ZNF543: variants seen among roughly 807,000 people sequenced by gnomAD.
The protein encoded by ZNF543 is zinc finger protein 543.
ZNF543 carries 10 observed loss-of-function variants against 13.4 expected under a neutral mutation model. That is an observed-to-expected ratio of 0.75 (90% CI 0.46 to 1.26). The LOEUF (loss-of-function observed/expected upper bound fraction) is 1.26. ZNF543 is among the 50% of genes most tolerant of loss of function. The probability of loss-of-function intolerance (pLI) is 0.00; values close to 1 mark genes in which losing one functional copy is unlikely to be tolerated. For synonymous variants in ZNF543, 272 were observed against 264.7 expected, an observed-to-expected ratio of 1.03 and a Z score of -0.27; for missense variants, 768 against 741.2, an observed-to-expected ratio of 1.04 and a Z score of -0.42.
In ZNF543 at chr19:57,320,598, T is replaced by G; in HGVS notation, c.-256T>G. On this transcript the variant is annotated 5_prime_UTR_variant, in exon 1 of 4. Transcript: ENST00000321545. ...GAGGCTGTTACGCGCCTTCTCCGCA[T>G]CTTGGCGGGAGCCTGACGCCCCGCT... 1 of 519,046 alleles carries G rather than the reference T, an allele frequency of 1.9e-6. No homozygotes were observed. The highest frequency in any genetic ancestry group is 3.4e-6 in the Non-Finnish European group (1 of 291,114). The allele number at this position is 519,046 out of a possible 1,614,324, so 32.2% of individuals were successfully genotyped here.
intron 1 of ZNF543, among the ~76,000 whole-genome samples, chr19:57,322,731 G>C (rs1017246422): frequency 2.6e-5 from 4 of 152,108 alleles, no homozygotes; most frequent in Non-Finnish European, 5.9e-5. Context: ...TGATGATGGT[G>C]AACTCAGGAG....
chr19:57,330,324 A>C lies in ZNF543; in HGVS notation c.*1059A>C, dbSNP rs1437402182. The C allele has an allele frequency of 1.3e-5, 2 of 149,746 alleles. No individual in the cohort carries two copies. Among genetic ancestry groups the C allele is most frequent in the African/African-American group, 2.5e-5 (1 of 40,498 alleles). The allele number at this position is 149,746 out of a possible 1,614,324, so 9.3% of individuals were successfully genotyped here. A position where few individuals can be genotyped will look rare whatever the true frequency, so the allele number is the denominator to read the frequency against. Reference sequence around the variant, plus strand: ...GATGATAGTGTAATTGTTCATGCCCACAGTAATCCTGGGAATCTTAGTTTT... The same window carrying C: ...GATGATAGTGTAATTGTTCATGCCCCCAGTAATCCTGGGAATCTTAGTTTT... On this transcript the variant is annotated 3_prime_UTR_variant, in exon 4 of 4. Transcript: ENST00000321545.
intron 2 of ZNF543, among the ~76,000 whole-genome samples, chr19:57,325,969 AC>A (rs2088118117): frequency 6.6e-6 from 1 of 152,068 alleles, no homozygotes; most frequent in Admixed American, 6.5e-5. Context: ...GGTATAGGTC[AC>A]CTGCCTACCT....
chr19:57,324,833 G>A (rs1415546930), intron 2 of ZNF543, among the ~76,000 whole-genome samples: 1 of 152,128 alleles, frequency 6.6e-6, no homozygotes, highest in East Asian at 1.9e-4. Flanking sequence ...CCTTAGGTCA[G>A]TGAAGAAACT....
Position 57,323,812 on chromosome 19 carries a change from A to G in ZNF543, c.145+4A>G, listed in dbSNP as rs2122936242. On this transcript the variant is annotated splice_donor_region_variant and intron_variant, in intron 2 of 3. Coordinates refer to ENST00000321545, the MANE Select transcript of ZNF543 (RefSeq NM_213598.4). ...TGCGGACTTCTCATGTCTCTGGGTA[A>G]GGCCCCTTCTGGTCCTGTGCTCCCT... 2 of 1,611,376 alleles carry G rather than the reference A, an allele frequency of 1.2e-6. No homozygotes were observed. Among genetic ancestry groups the G allele is most frequent in the Non-Finnish European group, 8.5e-7 (1 of 1,178,198 alleles).
intron 1 of ZNF543, 43 bp downstream of exon 1, chr19:57,320,914 C>T (rs1173474325): frequency 6.2e-7 from 1 of 1,613,494 alleles, no homozygotes; most frequent in South Asian, 1.1e-5. Flanking sequence ...TCTGCTACTT[C>T]TGGAGGCCTC....
chr19:57,328,533 C>G lies in ZNF543; in HGVS notation c.1071C>G (p.His357Gln). 1.2e-6 allele frequency: 2 copies of G among 1,613,614 alleles called. No homozygotes were observed. The highest frequency in any genetic ancestry group is 2.2e-5 in the East Asian group (1 of 44,828). Residue 357 changes from histidine (H) to glutamine (Q), a missense_variant, in exon 4 of 4, where the codon CAC (histidine) becomes CAG (glutamine). His to Gln is a conservative substitution (Grantham distance 24, BLOSUM62 0). This residue lies in a region of ZNF543 where 677 missense variants were observed against 631.4 expected (regional missense o/e 1.07). Coordinates refer to ENST00000321545, the MANE Select transcript of ZNF543 (RefSeq NM_213598.4). ...AFNRRSYLTW[H>Q]QQIHTGVKPF... ...ACCGCCGGTCATACCTCACGTGGCA[C>G]CAACAGATTCACACTGGAGTGAAAC...
Position 57,327,947 on chromosome 19 carries a change from G to A in ZNF543, c.485G>A (p.Gly162Asp), listed in dbSNP as rs1214802154. The A allele has an allele frequency of 1.2e-6, 2 of 1,614,034 alleles. No individual in the cohort carries two copies. Among genetic ancestry groups the A allele is most frequent in the African/African-American group, 1.3e-5 (1 of 74,940 alleles). The change falls in exon 4 of 4, where the codon GGT (glycine) becomes GAT (aspartate). Residue 162 changes from glycine (G) to aspartate (D), a missense_variant. By Grantham distance (94) the Gly-to-Asp change is moderately conservative. Around this residue, in one of 3 missense-constraint regions of ZNF543, gnomAD observed 677 missense variants for 631.4 expected, o/e 1.07. Coordinates refer to ENST00000321545, the MANE Select transcript of ZNF543 (RefSeq NM_213598.4). ...CGTGATGGTTTGGGGTCAGATGATG[G>A]TGTATGTACAAAGATTACACAGAAA... ...SERDGLGSDD[G>D]VCTKITQKQV...
chr19:57,323,050 G>A (rs1270719806), intron 1 of ZNF543, among the ~76,000 whole-genome samples: 1 of 152,046 alleles, frequency 6.6e-6, no homozygotes. Flanking sequence ...TGCTGGTGTT[G>A]TTTTTGTTAT....
chr19:57,329,104 T>C lies in ZNF543; in HGVS notation c.1642T>C (p.Ser548Pro), dbSNP rs964874204. 6.2e-7 allele frequency: 1 copy of C among 1,614,220 alleles called. No homozygotes were observed. Among genetic ancestry groups the C allele is most frequent in the Non-Finnish European group, 8.5e-7 (1 of 1,180,040 alleles). ...GTGTGGAAAGGCTTTTAATCGCGGCTCATCCCTCACACATCATCAAAGGAT... is the reference window on the plus strand; with the variant it reads ...GTGTGGAAAGGCTTTTAATCGCGGCCCATCCCTCACACATCATCAAAGGAT... Reference protein sequence around the residue: ...SECGKAFNRGSSLTHHQRIHT... With the variant: ...SECGKAFNRGPSLTHHQRIHT... The change falls in exon 4 of 4, where the codon TCA becomes CCA. Residue 548 changes from serine (S) to proline (P), a missense_variant. Transcript: ENST00000321545.
intron 2 of ZNF543, among the ~76,000 whole-genome samples, chr19:57,325,597 C>T (rs938673845): frequency 1.3e-5 from 2 of 152,138 alleles, no homozygotes; most frequent in Admixed American, 6.6e-5. Flanking sequence ...CTGTAACCCA[C>T]ACTGGAGTGC....
intron 1 of ZNF543, among the ~76,000 whole-genome samples, chr19:57,321,244 C>G (rs2088088393): frequency 6.6e-6 from 1 of 152,166 alleles, no homozygotes; most frequent in Non-Finnish European, 1.5e-5. Flanking sequence ...AGTCTTCTTC[C>G]TTTTTCCAGG....
rs767679897 is a variant in ZNF543 at position 57,329,064 on chromosome 19, G to A, written c.1602G>A (p.Pro534=). 59 of 1,613,876 alleles carry A rather than the reference G, an allele frequency of 3.7e-5. No homozygotes were observed. The highest frequency in any genetic ancestry group is 5.0e-5 in the Admixed American group (3 of 59,982). ...CCATCATTCACACTGGAGAGAAGCC[G>A]TATGAATGCAGTGAGTGTGGAAAGG... ...RHSIIHTGEK[P]YECSECGKAF... is the part of the protein sequence containing the mutation. The change falls in exon 4 of 4, where the codon CCG becomes CCA. Residue 534 remains proline (P), a synonymous_variant. Coordinates refer to ENST00000321545, the MANE Select transcript of ZNF543 (RefSeq NM_213598.4).
chr19:57,329,359 G>C lies in ZNF543; in HGVS notation c.*94G>C. On this transcript the variant is annotated 3_prime_UTR_variant, in exon 4 of 4. Transcript: ENST00000321545. ...AACGTGTAATAGATGATCATTTGTCGTCTAAACAATCAAGTTAGAAATTGA... is the reference window on the plus strand; with the variant it reads ...AACGTGTAATAGATGATCATTTGTCCTCTAAACAATCAAGTTAGAAATTGA... 6.8e-7 allele frequency: 1 copy of C among 1,471,450 alleles called. No individual in the cohort carries two copies. The highest frequency in any genetic ancestry group is 9.0e-7 in the Non-Finnish European group (1 of 1,106,664). 91.1% of individuals were successfully genotyped at this position (1,471,450 alleles called of 1,614,324 possible).
At chr19:57,321,316 C>T (rs2088088817) in intron 1 of ZNF543, among the ~76,000 whole-genome samples, 1 of 152,212 alleles carries the variant, frequency 6.6e-6, no homozygotes, top group African/African-American at 2.4e-5. Context: ...GGGCCTCCCT[C>T]TCATATCTTT....
chr19:57,327,964 A>T lies in ZNF543; in HGVS notation c.502A>T (p.Thr168Ser), dbSNP rs1394793887. The change falls in exon 4 of 4, where the codon ACA (threonine) becomes TCA (serine). Residue 168 changes from threonine (T) to serine (S), a missense_variant. Thr to Ser is a moderately conservative substitution (Grantham distance 58). Coordinates refer to ENST00000321545, the MANE Select transcript of ZNF543 (RefSeq NM_213598.4). ...GSDDGVCTKI[T>S]QKQVSTEGDL... ...AGATGATGGTGTATGTACAAAGATT[A>T]CACAGAAACAAGTTTCAACAGAAGG... The T allele has an allele frequency of 6.2e-7, 1 of 1,614,180 alleles. No individual in the cohort carries two copies. Among genetic ancestry groups the T allele is most frequent in the South Asian group, 1.1e-5 (1 of 91,086 alleles).
Position 57,323,656 on chromosome 19 carries a change from A to G in ZNF543, c.19-26A>G, listed in dbSNP as rs751511615. The G allele has an allele frequency of 2.5e-6, 4 of 1,609,296 alleles. No individual in the cohort carries two copies. In the Admixed American group the frequency reaches 6.7e-5, roughly 27 times the overall value. The stretch of plus-strand genomic sequence containing the variant: ...TGTATTCCACAGTTCCAAGGGAAAC[A>G]CTACTATCTCTGTTTAATTTTCCAG... On this transcript the variant is annotated intron_variant, in intron 1 of 3. Coordinates refer to ENST00000321545, the MANE Select transcript of ZNF543 (RefSeq NM_213598.4).
intron 1 of ZNF543, among the ~76,000 whole-genome samples, chr19:57,322,388 A>G (rs957228908): frequency 2.3e-4 from 35 of 151,882 alleles, no homozygotes; most frequent in African/African-American, 8.5e-4. Context: ...TAACCCCAGC[A>G]CAGTGGCATG....
At chr19:57,321,731 A>G (rs181052815) in intron 1 of ZNF543, among the ~76,000 whole-genome samples, 1 of 152,282 alleles carries the variant, frequency 6.6e-6, no homozygotes, top group East Asian at 1.9e-4. Context: ...TGGTGTGTCT[A>G]CCATCACAGC....
Sources: allele counts gnomAD v4.1 joint callset (sites outside exome capture counted in the v4.1 genomes callset), GRCh38; gene constraint gnomAD v4.1.1; regional missense constraint gnomAD v4.1.1; transcripts MANE v1.5; gene names NCBI Gene and HGNC (gene_info 2026-07-23, HGNC 2026-07-21).